The following EPM2A variants were observed in gnomAD, a reference collection of about 807,000 sequenced individuals.
EPM2A encodes laforin.
In EPM2A, 21 loss-of-function variants were observed where a neutral mutation model predicts 26.5. The observed-to-expected ratio is 0.79, with a 90% CI of 0.56 to 1.14. The LOEUF (loss-of-function observed/expected upper bound fraction) is 1.14. EPM2A is among the 50% of genes most tolerant of loss of function. EPM2A has a pLI of 0.00. For synonymous variants in EPM2A, 217 were observed against 177.6 expected, an observed-to-expected ratio of 1.22 and a Z score of -1.76; for missense variants, 458 against 440.8, an observed-to-expected ratio of 1.04 and a Z score of -0.35.
intron 2 of EPM2A, among the ~76,000 whole-genome samples, chr6:145,526,820 T>C (rs1780280788): frequency 6.6e-6 from 1 of 152,130 alleles, no homozygotes; most frequent in East Asian, 1.9e-4. Flanking sequence ...TTTCATCTGC[T>C]AGCTTTGGAG....
At chr6:145,495,692 C>T (rs1207944050) in intron 4 of EPM2A, among the ~76,000 whole-genome samples, 1 of 152,172 alleles carries the variant, frequency 6.6e-6, no homozygotes, top group East Asian at 1.9e-4. Context: ...ATTCTCATGC[C>T]TCAGCCTCCC....
rs190234959 is a variant in EPM2A, at chr6:145,436,302, G to A, written c.556-52205C>T. Among the ~76,000 whole-genome samples the A allele has an allele frequency of 4.2e-4, 64 of 152,258 alleles. No homozygotes were observed. The East Asian group carries it at 0.01, about 24-fold the overall frequency. ...TCACTATTATAATGTTGCCATAAAAGTTCATAGACAAGATTTTGTGTGAAC... is the reference window on the plus strand; with the variant it reads ...TCACTATTATAATGTTGCCATAAAAATTCATAGACAAGATTTTGTGTGAAC... On this transcript the variant is annotated intron_variant, in intron 4 of 4. Transcript: ENST00000638717.
At chr6:145,699,878 GT>G (rs1781817129) in intron 1 of EPM2A, among the ~76,000 whole-genome samples, 1 of 152,080 alleles carries the variant, frequency 6.6e-6, no homozygotes, top group Non-Finnish European at 1.5e-5. Flanking sequence ...CATTTCAAAG[GT>G]TGTAGATTAT....
At position 145,687,384 on chromosome 6, in the gene EPM2A, A is replaced by G. The variant is rs144778017; in HGVS notation, c.302-1088T>C. ...CCAGAATTGTAAGCAATAAATTTCTATTGTTCATAAGCTAACCAATATATG... is the reference window on the plus strand; with the variant it reads ...CCAGAATTGTAAGCAATAAATTTCTGTTGTTCATAAGCTAACCAATATATG... On this transcript the variant is annotated intron_variant, in intron 1 of 3. Coordinates refer to ENST00000367519, the MANE Select transcript of EPM2A (RefSeq NM_005670.4). Among the ~76,000 whole-genome samples the G allele has an allele frequency of 2.2e-3, 339 of 152,106 alleles. 5 individuals are homozygous for G. The highest frequency in any genetic ancestry group is 0.019 in the Admixed American group (294 of 15,282).
chr6:145,586,121 C>T (rs1285481302), intron 2 of EPM2A, among the ~76,000 whole-genome samples: 1 of 152,206 alleles, frequency 6.6e-6, no homozygotes, highest in Non-Finnish European at 1.5e-5. Flanking sequence ...CTGGGTTCTA[C>T]CTTCCCGGGT....
intron 4 of EPM2A, among the ~76,000 whole-genome samples, chr6:145,486,787 G>A (rs1039762706): frequency 6.6e-6 from 1 of 152,014 alleles, no homozygotes; most frequent in Admixed American, 6.6e-5. Context: ...TTTTAAAGCT[G>A]AATAATATTC....
intron 3 of EPM2A, chr6:145,633,727 A>G (rs1776437924): frequency 6.6e-6 from 1 of 152,204 alleles, no homozygotes; most frequent in Admixed American, 6.5e-5. Flanking sequence ...TTCCCTTGCA[A>G]TTTGTAGGCT....
chr6:145,680,380 T>C (rs1450445497), intron 2 of EPM2A, among the ~76,000 whole-genome samples: 1 of 146,440 alleles, frequency 6.8e-6, no homozygotes, highest in East Asian at 2.0e-4. Flanking sequence ...TATTTATTTA[T>C]TTATTTTATT....
intron 2 of EPM2A, among the ~76,000 whole-genome samples, chr6:145,644,532 T>C (rs1475106269): frequency 1.3e-5 from 2 of 152,238 alleles, no homozygotes; most frequent in Non-Finnish European, 2.9e-5. Flanking sequence ...ATAATTTAAA[T>C]GGTTTAAAAC....
chr6:145,444,289 AT>A (rs1382582294), intron 4 of EPM2A, among the ~76,000 whole-genome samples: 1 of 152,160 alleles, frequency 6.6e-6, no homozygotes, highest in Non-Finnish European at 1.5e-5. Flanking sequence ...TACCTAGTTT[AT>A]TGAGGATTTT....
rs1261436994 is a variant in EPM2A at position 145,625,900 on chromosome 6, C to A, written c.*1516G>T. 4 of 1,455,864 alleles carry A rather than the reference C, an allele frequency of 2.7e-6. No individual in the cohort carries two copies. The highest frequency in any genetic ancestry group is 3.6e-6 in the Non-Finnish European group (4 of 1,103,082). The allele number at this position is 1,455,864 out of a possible 1,614,324, so 90.2% of individuals were successfully genotyped here. On this transcript the variant is annotated 3_prime_UTR_variant, in exon 4 of 4. Coordinates refer to ENST00000367519, the MANE Select transcript of EPM2A (RefSeq NM_005670.4). The stretch of plus-strand genomic sequence containing the variant: ...AAAGGAAGGTGCAGAAAAATAAATA[C>A]GCATCATAGTTTAATTAGGAAAGTA...
chr6:145,598,328 C>A (rs773932449), intron 2 of EPM2A, among the ~76,000 whole-genome samples: 1 of 151,872 alleles, frequency 6.6e-6, no homozygotes, highest in Admixed American at 6.6e-5. Context: ...TGATCAGTGA[C>A]GTTGAGCTTT....
chr6:145,389,465 T>C (rs1440488243), intron 4 of EPM2A, among the ~76,000 whole-genome samples: 3 of 152,188 alleles, frequency 2.0e-5, no homozygotes, highest in African/African-American at 7.2e-5. Flanking sequence ...GTGCTGGAAT[T>C]ACAAATGTGA....
intron 2 of EPM2A, among the ~76,000 whole-genome samples, chr6:145,684,576 C>T (rs1200917376): frequency 2.6e-5 from 4 of 152,154 alleles, no homozygotes; most frequent in African/African-American, 9.7e-5. Context: ...CACTCATTTA[C>T]TATTGTCTCA....
chr6:145,415,992 T>C (rs1301063903), intron 4 of EPM2A, among the ~76,000 whole-genome samples: 2 of 152,226 alleles, frequency 1.3e-5, no homozygotes, highest in Non-Finnish European at 2.9e-5. Context: ...GCCAGAAGAC[T>C]GGCTTTGGTT....
intron 2 of EPM2A, among the ~76,000 whole-genome samples, chr6:145,561,233 G>A (rs1780800523): frequency 6.8e-6 from 1 of 147,332 alleles, no homozygotes; most frequent in Non-Finnish European, 1.5e-5. Context: ...GTGGTTACAT[G>A]TTGCACAGGT....
At chr6:145,563,855 T>C (rs1356940771) in intron 2 of EPM2A, among the ~76,000 whole-genome samples, 2 of 152,146 alleles carry the variant, frequency 1.3e-5, no homozygotes, top group African/African-American at 4.8e-5. Context: ...AGGGAAAACA[T>C]ATATACATTT....
chr6:145,717,083 T>C (rs983947626), intron 1 of EPM2A, among the ~76,000 whole-genome samples: 2 of 151,986 alleles, frequency 1.3e-5, no homozygotes, highest in African/African-American at 4.8e-5. Flanking sequence ...TTCCAATCAA[T>C]ACAAAAAGAG....
intron 2 of EPM2A, among the ~76,000 whole-genome samples, chr6:145,616,209 T>C (rs1221569130): frequency 6.6e-6 from 1 of 152,174 alleles, no homozygotes; most frequent in Non-Finnish European, 1.5e-5. Context: ...ATGCCCTGCA[T>C]CCCAGCTGTT....
Sources: gnomAD v4.1 joint callset for allele counts (sites outside exome capture counted in the v4.1 genomes callset) on GRCh38, gnomAD v4.1.1 for gene constraint, MANE v1.5 for transcripts, NCBI Gene and HGNC (gene_info 2026-07-23, HGNC 2026-07-21) for gene names.